Variants in GDPD4 observed in about 807,000 individuals in gnomAD.
GDPD4 encodes glycerophosphodiester phosphodiesterase domain containing 4, also known as glycerophosphodiester phosphodiesterase 6.
In GDPD4, 60 loss-of-function variants were observed where a neutral mutation model predicts 67.8. That is an observed-to-expected ratio of 0.88 (90% CI 0.72 to 1.10). The LOEUF is 1.10. Ranked by LOEUF, GDPD4 falls within the 50% of genes least tolerant of loss-of-function variation. GDPD4 has a pLI of 0.00. For synonymous variants in GDPD4, 212 were observed against 210.9 expected (o/e 1.00, Z -0.04); for missense variants, 623 against 613.9 (o/e 1.01, Z -0.16).
intron 11 of GDPD4, among the ~76,000 whole-genome samples, chr11:77,248,557 C>G (rs1271153325): frequency 6.6e-6 from 1 of 151,940 alleles, no homozygotes; most frequent in Non-Finnish European, 1.5e-5. Context: ...AATTGCATTA[C>G]TATAAAAAAA....
At chr11:77,220,848 G>A (rs1270973914) in intron 16 of GDPD4, among the ~76,000 whole-genome samples, 3 of 152,002 alleles carry the variant, frequency 2.0e-5, no homozygotes, top group African/African-American at 7.2e-5. Flanking sequence ...ACTTTTTTTG[G>A]TTGGTAGGCT....
intron 10 of GDPD4, among the ~76,000 whole-genome samples, chr11:77,260,790 CAG>C (rs543238123): frequency 6.6e-6 from 1 of 151,828 alleles, no homozygotes; most frequent in Non-Finnish European, 1.5e-5. Context: ...AAATTTAAAA[CAG>C]ATCAGATATT....
chr11:77,254,166 A>G (rs1265107864), intron 11 of GDPD4, among the ~76,000 whole-genome samples: 1 of 152,134 alleles, frequency 6.6e-6, no homozygotes, highest in Non-Finnish European at 1.5e-5. Flanking sequence ...ACACAGTTGT[A>G]TGGCCTCTAG....
At chr11:77,284,710 G>A (rs1404051190) in intron 3 of GDPD4, among the ~76,000 whole-genome samples, 1 of 152,148 alleles carries the variant, frequency 6.6e-6, no homozygotes, top group African/African-American at 2.4e-5. Flanking sequence ...AGCAGAGAAG[G>A]CAGGGTTCAG....
chr11:77,289,644 T>C (rs1346977229), intron 1 of GDPD4, among the ~76,000 whole-genome samples: 2 of 150,824 alleles, frequency 1.3e-5, no homozygotes, highest in East Asian at 2.0e-4. Context: ...GGCAGAAGAA[T>C]TGTTTGAACC....
chr11:77,235,714 G>A (rs1261882485), intron 13 of GDPD4, among the ~76,000 whole-genome samples: 4 of 152,152 alleles, frequency 2.6e-5, no homozygotes, highest in African/African-American at 4.8e-5. Context: ...CAATGCTTTC[G>A]GAGGCCAAGG....
chr11:77,258,069 C>T (rs1959038612), intron 11 of GDPD4, among the ~76,000 whole-genome samples: 1 of 152,118 alleles, frequency 6.6e-6, no homozygotes, highest in African/African-American at 2.4e-5. Context: ...TCCTAGTCTG[C>T]CTCATCTAGG....
At chr11:77,266,996 CCACT>C (rs1959181225) in intron 10 of GDPD4, among the ~76,000 whole-genome samples, 1 of 152,168 alleles carries the variant, frequency 6.6e-6, no homozygotes, top group Admixed American at 6.5e-5. Context: ...CATTCACTTA[CCACT>C]CACTCACTGA....
intron 11 of GDPD4, among the ~76,000 whole-genome samples, chr11:77,249,159 G>A (rs934484605): frequency 2.0e-4 from 30 of 150,098 alleles, no homozygotes; most frequent in Non-Finnish European, 2.8e-4. Flanking sequence ...CCAGCTACTC[G>A]AGAGGCTGAG....
intron 1 of GDPD4, among the ~76,000 whole-genome samples, chr11:77,295,547 A>C (rs1489197175): frequency 6.6e-6 from 1 of 151,854 alleles, no homozygotes; most frequent in Non-Finnish European, 1.5e-5. Context: ...CAAGAGGATC[A>C]CTTGAGCTGG....
chr11:77,266,927 A>G (rs1250636466), intron 10 of GDPD4, among the ~76,000 whole-genome samples: 1 of 152,166 alleles, frequency 6.6e-6, no homozygotes, highest in Non-Finnish European at 1.5e-5. Flanking sequence ...ATTTGGTGCA[A>G]TCTAAGTGAA....
At chr11:77,263,724 C>T (rs1367989817) in intron 10 of GDPD4, among the ~76,000 whole-genome samples, 1 of 152,156 alleles carries the variant, frequency 6.6e-6, no homozygotes, top group Non-Finnish European at 1.5e-5. Context: ...GTCTCAGGTT[C>T]TCATATGGCT....
chr11:77,286,663 A>T (rs1320174198), intron 2 of GDPD4, among the ~76,000 whole-genome samples: 1 of 152,244 alleles, frequency 6.6e-6, no homozygotes, highest in Non-Finnish European at 1.5e-5. Context: ...CACTTATACC[A>T]TGTAGCTCAC....
intron 16 of GDPD4, chr11:77,224,273 G>A (rs11237130): frequency 0.054 from 8,209 of 152,496 alleles, 765 homozygotes; most frequent in African/African-American, 0.19. Context: ...CGTCTTCTGC[G>A]TCAATCACGC....
intron 13 of GDPD4, 139 bp downstream of exon 13, chr11:77,243,555 A>G (rs921656806): frequency 1.1e-5 from 8 of 735,828 alleles, no homozygotes; most frequent in Admixed American, 1.0e-4. Flanking sequence ...AAGGGGTAGG[A>G]AAAAGAAAGG....
intron 16 of GDPD4, among the ~76,000 whole-genome samples, chr11:77,226,408 G>A (rs1444255001): frequency 6.6e-6 from 1 of 151,750 alleles, no homozygotes; most frequent in African/African-American, 2.4e-5. Flanking sequence ...GCCCTTATGA[G>A]AAGAGGAAGA....
intron 11 of GDPD4, among the ~76,000 whole-genome samples, chr11:77,254,933 C>T (rs188123957): frequency 6.6e-6 from 1 of 152,208 alleles, no homozygotes; most frequent in African/African-American, 2.4e-5. Flanking sequence ...GAAAAAACTA[C>T]CCAAATCTCC....
At chr11:77,255,506 G>T (rs2135855887) in intron 11 of GDPD4, among the ~76,000 whole-genome samples, 1 of 152,274 alleles carries the variant, frequency 6.6e-6, no homozygotes, top group Non-Finnish European at 1.5e-5. Context: ...GGAGGCTTCA[G>T]TGTGCCGAGA....
rs71043564 is a variant in GDPD4, at chr11:77,277,391, CTTTTTTTTTTTT to C, written c.148-1183_148-1172del. On this transcript the variant is annotated intron_variant, in intron 4 of 16. Transcript: ENST00000315938. The stretch of plus-strand genomic sequence containing the variant: ...ACAAACCTCTTTTCAGCCATGTTTC[CTTTTTTTTTTTT>C]TTTTTTTTTTTTTTTGAGACAGAGT... 9.6e-3 allele frequency among the ~76,000 whole-genome samples: 559 copies of C among 58,356 alleles called. 10 individuals carry two copies. Among genetic ancestry groups the C allele is most frequent in the African/African-American group, 0.032 (514 of 16,218 alleles). The allele number at this position is 58,356 out of a possible 152,430, so 38.3% of individuals were successfully genotyped here. A position where few individuals can be genotyped will look rare whatever the true frequency, so the allele number is the denominator to read the frequency against.
Sources: gnomAD v4.1 joint callset for allele counts (sites outside exome capture counted in the v4.1 genomes callset) on GRCh38, gnomAD v4.1.1 for gene constraint, MANE v1.5 for transcripts, NCBI Gene and HGNC (gene_info 2026-07-23, HGNC 2026-07-21) for gene names.